The following DGKB variants were observed in gnomAD, a reference collection of about 807,000 sequenced individuals.
DGKB encodes the protein diacylglycerol kinase beta.
DGKB carries 67 observed loss-of-function variants against 114.3 expected under a neutral mutation model. The ratio of observed to expected loss-of-function variants is 0.59; its 90% CI spans 0.48 to 0.72. DGKB has a LOEUF of 0.72. Among genes scored for constraint, DGKB ranks in the 30% least tolerant of loss-of-function variants. DGKB has a pLI of 0.00. For synonymous variants in DGKB, 398 were observed against 323.1 expected (o/e 1.23, Z -2.49); for missense variants, 907 against 975.2 (o/e 0.93, Z 0.93).
intron 21 of DGKB, among the ~76,000 whole-genome samples, chr7:14,356,472 T>C (rs1034988457): frequency 6.6e-6 from 1 of 150,398 alleles, no homozygotes; most frequent in African/African-American, 2.4e-5. Context: ...TGCCATTCTC[T>C]TGCCTCAGCC....
At chr7:14,239,745 T>A (rs2128361592) in intron 23 of DGKB, among the ~76,000 whole-genome samples, 1 of 152,142 alleles carries the variant, frequency 6.6e-6, no homozygotes, top group African/African-American at 2.4e-5. Flanking sequence ...GCTCCAGACT[T>A]CCTGCAAGCC....
At chr7:14,177,686 G>A (rs1781989892) in intron 24 of DGKB, among the ~76,000 whole-genome samples, 1 of 151,808 alleles carries the variant, frequency 6.6e-6, no homozygotes, top group Admixed American at 6.6e-5. Context: ...TTAAGTCAAT[G>A]GTGTCTCATC....
rs75995850 is a variant in DGKB, at chr7:14,601,838, T to G, written c.1433+5596A>C. On this transcript the variant is annotated intron_variant, in intron 17 of 25. Transcript: ENST00000402815. ...CGTATGAAACCTCATTACAATGGCC[T>G]TTCTTATCCATATTTCTAGCAACAT... is the stretch of plus-strand genomic sequence containing the variant. Among the ~76,000 whole-genome samples, 8 of 152,328 alleles carry G rather than the reference T, an allele frequency of 5.3e-5. No homozygotes were observed. The South Asian group carries it at 6.2e-4, about 12-fold the overall frequency.
chr7:14,868,020 G>C (rs1461000321), intron 1 of DGKB, among the ~76,000 whole-genome samples: 1 of 152,120 alleles, frequency 6.6e-6, no homozygotes, highest in Non-Finnish European at 1.5e-5. Flanking sequence ...ATTGAGATTT[G>C]AAGTCAGACC....
chr7:14,613,073 C>T (rs1276278327), intron 16 of DGKB, among the ~76,000 whole-genome samples: 1 of 152,014 alleles, frequency 6.6e-6, no homozygotes, highest in Non-Finnish European at 1.5e-5. Context: ...TGAAGCCAGA[C>T]TCTTTGTTAG....
At chr7:14,648,703 C>T (rs907526273) in intron 13 of DGKB, among the ~76,000 whole-genome samples, 36 of 150,600 alleles carry the variant, frequency 2.4e-4, no homozygotes, top group African/African-American at 5.9e-4. Context: ...CTCTGAGCTA[C>T]GGGAGGACAT....
At chr7:14,663,610 TTCCCTTCC>T (rs71004323) in intron 13 of DGKB, among the ~76,000 whole-genome samples, 36 of 116,380 alleles carry the variant, frequency 3.1e-4, no homozygotes, top group Middle Eastern at 4.2e-3. Flanking sequence ...TTCTTTTCTT[TTCCCTTCC>T]TCCCTTCCTC....
At chr7:14,418,330 T>TAC (rs1826071328) in intron 21 of DGKB, among the ~76,000 whole-genome samples, 1 of 142,756 alleles carries the variant, frequency 7.0e-6, no homozygotes, top group Admixed American at 7.1e-5. Flanking sequence ...TATATATGTA[T>TAC]ATATATACAC....
chr7:14,481,934 A>T (rs1783047540), intron 20 of DGKB, among the ~76,000 whole-genome samples: 2 of 152,006 alleles, frequency 1.3e-5, no homozygotes, highest in Admixed American at 6.6e-5. Flanking sequence ...AAGTTTTGTC[A>T]AAGGTACACA....
intron 13 of DGKB, among the ~76,000 whole-genome samples, chr7:14,668,474 T>G (rs1210749032): frequency 6.6e-6 from 1 of 152,130 alleles, no homozygotes; most frequent in African/African-American, 2.4e-5. Flanking sequence ...TGCCATGTAC[T>G]ATTCATGGGA....
chr7:14,182,003 T>C (rs1347932347), intron 23 of DGKB, among the ~76,000 whole-genome samples: 2 of 152,154 alleles, frequency 1.3e-5, no homozygotes, highest in East Asian at 3.9e-4. Context: ...TGAATCTGAA[T>C]AGGAAAAATG....
At chr7:14,182,987 G>A (rs1380850218) in intron 23 of DGKB, among the ~76,000 whole-genome samples, 2 of 152,128 alleles carry the variant, frequency 1.3e-5, no homozygotes, top group Non-Finnish European at 2.9e-5. Flanking sequence ...CACTGTCAGA[G>A]GCCATGTGGA....
chr7:14,416,658 T>C (rs190924689), intron 21 of DGKB, among the ~76,000 whole-genome samples: 1 of 152,268 alleles, frequency 6.6e-6, no homozygotes, highest in East Asian at 1.9e-4. Flanking sequence ...CACCTTTCAC[T>C]TGGCTCTCAT....
At chr7:14,423,905 T>A (rs956541000) in intron 21 of DGKB, among the ~76,000 whole-genome samples, 35 of 152,242 alleles carry the variant, frequency 2.3e-4, no homozygotes, top group African/African-American at 8.2e-4. Context: ...CAAATCTTTA[T>A]CATTTAGTTG....
At chr7:14,643,524 G>A (rs1468867161) in intron 13 of DGKB, among the ~76,000 whole-genome samples, 1 of 152,098 alleles carries the variant, frequency 6.6e-6, no homozygotes, top group Non-Finnish European at 1.5e-5. Flanking sequence ...TACATCCACT[G>A]AGAAGGCTAC....
intron 21 of DGKB, among the ~76,000 whole-genome samples, chr7:14,472,625 T>C (rs548887948): frequency 6.6e-6 from 1 of 152,126 alleles, no homozygotes; most frequent in Non-Finnish European, 1.5e-5. Flanking sequence ...TTGGAACACT[T>C]TGGAGGACTC....
In DGKB at chr7:14,878,761, A is replaced by C. The variant is rs570934130; in HGVS notation, c.-188+23831T>G. Among the ~76,000 whole-genome samples, 753 of 149,836 alleles carry C rather than the reference A, an allele frequency of 5.0e-3. 15 individuals are homozygous for C. The highest frequency in any genetic ancestry group is 0.018 in the African/African-American group (714 of 40,010). On this transcript the variant is annotated intron_variant, in intron 1 of 25. Coordinates refer to ENST00000402815, the MANE Select transcript of DGKB (RefSeq NM_001350709.2). Reference sequence around the variant, plus strand: ...GAGACTCCGTCTCAAAAAACAAAAAAAAAAAAACAAAAAAAAAAAACCAAA... The same window carrying C: ...GAGACTCCGTCTCAAAAAACAAAAACAAAAAAACAAAAAAAAAAAACCAAA...
At chr7:14,166,314 G>A (rs1459672371) in intron 25 of DGKB, among the ~76,000 whole-genome samples, 4 of 152,078 alleles carry the variant, frequency 2.6e-5, no homozygotes, top group African/African-American at 7.2e-5. Flanking sequence ...TAAATCTGGG[G>A]CACAAGAGTA....
chr7:14,718,696 A>G lies in DGKB; in HGVS notation c.323-11T>C. ...TATTCATTCTCAGACCTGGAAAAAA[A>G]ATTGTCTTTATATTTTGTTAATTAT... On this transcript the variant is annotated splice_polypyrimidine_tract_variant and intron_variant, in intron 5 of 25. Transcript: ENST00000402815. The G allele has an allele frequency of 6.3e-7, 1 of 1,589,648 alleles. No individual in the cohort carries two copies.
Sources: allele counts gnomAD v4.1 joint callset (sites outside exome capture counted in the v4.1 genomes callset), GRCh38; gene constraint gnomAD v4.1.1; transcripts MANE v1.5; gene names NCBI Gene and HGNC (gene_info 2026-07-23, HGNC 2026-07-21).